Variants in CNTN4 observed in about 807,000 individuals in gnomAD.
CNTN4 encodes contactin-4.
In CNTN4, 77 loss-of-function variants were observed where a neutral mutation model predicts 122.5. The ratio of observed to expected loss-of-function variants is 0.63; its 90% CI spans 0.52 to 0.76. CNTN4 has a LOEUF of 0.76. Among genes scored for constraint, CNTN4 ranks in the 30% least tolerant of loss-of-function variants. The pLI, the probability that CNTN4 is intolerant of heterozygous loss-of-function variation, is 0.00. For missense variants in CNTN4, 1,256 were observed against 1,259.1 expected, an observed-to-expected ratio of 1.00 and a Z score of 0.04; for synonymous variants, 512 against 447.0, an observed-to-expected ratio of 1.15 and a Z score of -1.83.
chr3:2,318,390 G>A (rs2043181393), intron 2 of CNTN4, among the ~76,000 whole-genome samples: 1 of 152,088 alleles, frequency 6.6e-6, no homozygotes, highest in South Asian at 2.1e-4. Context: ...GTCTCCATCA[G>A]GAATTGTCAG....
Position 2,730,140 on chromosome 3 carries a change from G to A in CNTN4, c.56-6075G>A, listed in dbSNP as rs187600745. ...CTTTGGTTTTTTGTGGGGGGTGGCAGTGGATTTTGGAATATTTGCATATAT... is the reference window on the plus strand; with the variant it reads ...CTTTGGTTTTTTGTGGGGGGTGGCAATGGATTTTGGAATATTTGCATATAT... On this transcript the variant is annotated intron_variant, in intron 4 of 24. Coordinates refer to ENST00000418658, the MANE Select transcript of CNTN4 (RefSeq NM_175607.3). 5.3e-5 allele frequency among the ~76,000 whole-genome samples: 8 copies of A among 152,222 alleles called. No individual in the cohort carries two copies. In the East Asian group the frequency reaches 1.5e-3, roughly 29 times the overall value.
intron 13 of CNTN4, among the ~76,000 whole-genome samples, chr3:2,938,184 G>T (rs1419388900): frequency 6.6e-6 from 1 of 152,060 alleles, no homozygotes; most frequent in Non-Finnish European, 1.5e-5. Flanking sequence ...ATACATTTGA[G>T]GCTTTGGGGA....
intron 4 of CNTN4, among the ~76,000 whole-genome samples, chr3:2,674,783 A>C (rs2728012): frequency 0.13 from 14,963 of 113,206 alleles, 816 homozygotes; most frequent in African/African-American, 0.26. Flanking sequence ...AAAAAAACAA[A>C]AAAAAAAAAA....
intron 3 of CNTN4, among the ~76,000 whole-genome samples, chr3:2,497,493 C>G (rs34340984): frequency 0.13 from 19,523 of 152,094 alleles, 1,362 homozygotes; most frequent in Middle Eastern, 0.18. Flanking sequence ...CATTTAATGT[C>G]CTGTGCTCAT....
At chr3:2,918,844 T>G (rs1472963093) in intron 12 of CNTN4, among the ~76,000 whole-genome samples, 2 of 152,192 alleles carry the variant, frequency 1.3e-5, no homozygotes, top group African/African-American at 2.4e-5. Context: ...ACGAAGCCAT[T>G]CATAACCCTA....
chr3:2,439,303 G>A (rs2048354774), intron 3 of CNTN4, among the ~76,000 whole-genome samples: 1 of 152,192 alleles, frequency 6.6e-6, no homozygotes, highest in East Asian at 1.9e-4. Flanking sequence ...ATGGGGCCAG[G>A]ATATCTGTTT....
intron 6 of CNTN4, among the ~76,000 whole-genome samples, chr3:2,769,124 C>A (rs936926593): frequency 3.3e-5 from 5 of 152,070 alleles, no homozygotes; most frequent in Non-Finnish European, 5.9e-5. Flanking sequence ...CCAAAACTTA[C>A]CTATACTGAA....
Position 2,798,366 on chromosome 3 carries a change from A to AATCT in CNTN4, c.359-21097_359-21094dup, listed in dbSNP as rs1553642389. ...TACATACTATATCTATACACACATA[A>AATCT]ATCTATCTATCTATCTATCTATCTA... is the stretch of plus-strand genomic sequence containing the variant. On this transcript the variant is annotated intron_variant, in intron 6 of 24. Transcript: ENST00000418658. Among the ~76,000 whole-genome samples the AATCT allele has an allele frequency of 4.1e-3, 555 of 135,456 alleles. 4 individuals carry two copies. The highest frequency in any genetic ancestry group is 0.014 in the African/African-American group (531 of 37,588). 88.9% of individuals were successfully genotyped at this position (135,456 alleles called of 152,430 possible).
At chr3:2,373,936 G>A (rs1000889398) in intron 3 of CNTN4, among the ~76,000 whole-genome samples, 8 of 152,116 alleles carry the variant, frequency 5.3e-5, no homozygotes, top group African/African-American at 1.9e-4. Context: ...GGTTAATTTA[G>A]AAAGCAAAAA....
chr3:2,938,538 A>G (rs138206143), intron 13 of CNTN4, among the ~76,000 whole-genome samples: 3 of 152,326 alleles, frequency 2.0e-5, no homozygotes, highest in Non-Finnish European at 2.9e-5. Flanking sequence ...CACTCATTGC[A>G]TCTATGTCTA....
chr3:2,928,483 T>C (rs2094493107), intron 13 of CNTN4, among the ~76,000 whole-genome samples: 3 of 152,282 alleles, frequency 2.0e-5, no homozygotes, highest in East Asian at 3.9e-4. Flanking sequence ...GGGAAAGGAT[T>C]GACCTGGTAG....
At chr3:2,429,134 T>C (rs2047959529) in intron 3 of CNTN4, among the ~76,000 whole-genome samples, 1 of 152,220 alleles carries the variant, frequency 6.6e-6, no homozygotes, top group Admixed American at 6.5e-5. Flanking sequence ...AGGAGCTGCA[T>C]TCCTTTGAAG....
rs190786002 is a variant in CNTN4, at chr3:2,790,739, G to A, written c.359-28747G>A. 2.3e-3 allele frequency among the ~76,000 whole-genome samples: 343 copies of A among 152,246 alleles called. 1 individual carries two copies. Among genetic ancestry groups the A allele is most frequent in the African/African-American group, 7.9e-3 (330 of 41,550 alleles). Reference sequence around the variant, plus strand: ...CACCTTCTGTAAAAGCAGTTCAGAGGATGACCAATGAGCTATCTTTTTCTG... The same window carrying A: ...CACCTTCTGTAAAAGCAGTTCAGAGAATGACCAATGAGCTATCTTTTTCTG... On this transcript the variant is annotated intron_variant, in intron 6 of 24. Transcript: ENST00000418658.
chr3:2,719,014 T>A (rs1424795852), intron 4 of CNTN4, among the ~76,000 whole-genome samples: 1 of 152,138 alleles, frequency 6.6e-6, no homozygotes, highest in Non-Finnish European at 1.5e-5. Flanking sequence ...TAAAAAATGA[T>A]TAAGAACTAC....
intron 2 of CNTN4, among the ~76,000 whole-genome samples, chr3:2,286,343 T>C (rs2149943572): frequency 6.7e-6 from 1 of 148,378 alleles, no homozygotes; most frequent in Non-Finnish European, 1.5e-5. Flanking sequence ...ATTAGAAAAA[T>C]GAGAAATTCT....
intron 6 of CNTN4, among the ~76,000 whole-genome samples, chr3:2,765,626 T>G (rs1230276195): frequency 6.6e-6 from 1 of 152,196 alleles, no homozygotes; most frequent in Admixed American, 6.5e-5. Context: ...TAATTAGATA[T>G]TTTATATGCC....
At chr3:2,598,044 T>C (rs2080854472) in intron 4 of CNTN4, among the ~76,000 whole-genome samples, 1 of 152,214 alleles carries the variant, frequency 6.6e-6, no homozygotes, top group African/African-American at 2.4e-5. Context: ...ATTTTTGTAA[T>C]TCTTTTTTGC....
intron 10 of CNTN4, among the ~76,000 whole-genome samples, chr3:2,887,550 C>T (rs541498515): frequency 6.6e-6 from 1 of 151,998 alleles, no homozygotes; most frequent in Non-Finnish European, 1.5e-5. Flanking sequence ...TTTATTATTC[C>T]TACTCCTGAT....
At chr3:2,912,784 C>A (rs2094314961) in intron 12 of CNTN4, among the ~76,000 whole-genome samples, 1 of 152,112 alleles carries the variant, frequency 6.6e-6, no homozygotes, top group Non-Finnish European at 1.5e-5. Context: ...CAGTGGTAAC[C>A]ACAAAGATAA....
Sources: gnomAD v4.1 joint callset for allele counts (sites outside exome capture counted in the v4.1 genomes callset) on GRCh38, gnomAD v4.1.1 for gene constraint, MANE v1.5 for transcripts, NCBI Gene and HGNC (gene_info 2026-07-23, HGNC 2026-07-21) for gene names.